Variants in COPB1 observed in about 807,000 individuals in gnomAD.
The protein encoded by COPB1 is coat protein complex I subunit beta 1, also known as coatomer subunit beta.
COPB1 carries 21 observed loss-of-function variants against 108.7 expected under a neutral mutation model. The observed-to-expected ratio is 0.19, with a 90% CI of 0.14 to 0.28. COPB1 has a LOEUF of 0.28. Among genes scored for constraint, COPB1 ranks in the 10% least tolerant of loss-of-function variants. The probability of loss-of-function intolerance (pLI) is 1.00; values close to 1 mark genes in which losing one functional copy is unlikely to be tolerated. For missense variants in COPB1, 919 were observed against 1,141.3 expected (o/e 0.81, Z 2.81); for synonymous variants, 378 against 386.8 (o/e 0.98, Z 0.27).
chr11:14,459,786 T>A (rs1850105636), intron 20 of COPB1, among the ~76,000 whole-genome samples: 1 of 151,944 alleles, frequency 6.6e-6, no homozygotes, highest in Non-Finnish European at 1.5e-5. Flanking sequence ...CTGGGTAATT[T>A]TTGTATTTTT....
rs1850059259 is a variant in COPB1 at position 14,457,736 on chromosome 11, A to G, written c.*88T>C. 1.5e-5 allele frequency: 12 copies of G among 821,130 alleles called. 1 individual carries two copies. The East Asian group carries it at 2.8e-4, about 19-fold the overall frequency. The allele number at this position is 821,130 out of a possible 1,614,324, so 50.9% of individuals were successfully genotyped here. ...TATTCAGCATGAACTCAGATTCTATATAAGCATGAAAGAGTACAAAAGATG... is the reference window on the plus strand; with the variant it reads ...TATTCAGCATGAACTCAGATTCTATGTAAGCATGAAAGAGTACAAAAGATG... On this transcript the variant is annotated 3_prime_UTR_variant, in exon 22 of 22. Transcript: ENST00000439561.
chr11:14,459,832 G>T (rs1276232880), intron 20 of COPB1, among the ~76,000 whole-genome samples: 1 of 152,058 alleles, frequency 6.6e-6, no homozygotes, highest in African/African-American at 2.4e-5. Context: ...GGCCAGGCTG[G>T]TCTCAAACTC....
At chr11:14,487,067 A>C (rs147025543) in intron 6 of COPB1, among the ~76,000 whole-genome samples, 1 of 152,208 alleles carries the variant, frequency 6.6e-6, no homozygotes, top group Non-Finnish European at 1.5e-5. Flanking sequence ...GAAAGATAAC[A>C]CATTTTTCCC....
intron 14 of COPB1, among the ~76,000 whole-genome samples, chr11:14,472,064 C>T (rs1850418321): frequency 1.3e-5 from 2 of 152,184 alleles, no homozygotes; most frequent in African/African-American, 4.8e-5. Flanking sequence ...CAAAAGGAGT[C>T]CCATTGCTAC....
chr11:14,492,723 C>G (rs1850934938), intron 4 of COPB1, among the ~76,000 whole-genome samples: 1 of 152,082 alleles, frequency 6.6e-6, no homozygotes, highest in African/African-American at 2.4e-5. Context: ...TATATCTTAA[C>G]CAACAAATCT....
chr11:14,465,211 ATAAAG>A (rs2134096821), intron 17 of COPB1, among the ~76,000 whole-genome samples, 181 bp from the exon 18 acceptor site: 1 of 152,302 alleles, frequency 6.6e-6, no homozygotes, highest in African/African-American at 2.4e-5. Flanking sequence ...TGAGGACAAA[ATAAAG>A]AAACCACTTA....
intron 18 of COPB1, among the ~76,000 whole-genome samples, chr11:14,464,479 TGACTCTATACAAGC>T: frequency 6.6e-6 from 1 of 152,220 alleles, no homozygotes; most frequent in African/African-American, 2.4e-5. Context: ...ACTGACTGAA[TGACTCTATACAAGC>T]TAATCCCTAG....
In COPB1 at chr11:14,466,327, T is replaced by C. The variant is rs750136867; in HGVS notation, c.2245A>G (p.Thr749Ala). Residue 749 changes from threonine to alanine, a missense_variant, in exon 17 of 22, where the codon ACC (threonine) becomes GCC (alanine). By Grantham distance (58) the Thr-to-Ala change is moderately conservative (BLOSUM62 0). Transcript: ENST00000439561. ...IVLDVLVVNQ[T>A]SDTLQNCTLE... ...GTGCAATTCTGCAAAGTATCACTGG[T>C]TTGGTTCACAACAAGTACATCCAGG... The C allele has an allele frequency of 1.2e-6, 2 of 1,613,696 alleles. No homozygotes were observed. Among genetic ancestry groups the C allele is most frequent in the Admixed American group, 3.3e-5 (2 of 60,014 alleles).
At chr11:14,481,164 G>C in intron 8 of COPB1, 67 bp from the exon 9 acceptor site, 1 of 1,153,902 alleles carries the variant, frequency 8.7e-7, no homozygotes, top group Non-Finnish European at 1.3e-6. Flanking sequence ...AATCTTCACT[G>C]CAGAATGGTG....
At chr11:14,491,901 T>TA (rs1850913827) in intron 4 of COPB1, among the ~76,000 whole-genome samples, 1 of 152,220 alleles carries the variant, frequency 6.6e-6, no homozygotes, top group Non-Finnish European at 1.5e-5. Context: ...ATTAGTTGTG[T>TA]ACTATTTGCT....
rs550742841 is a variant in COPB1 at position 14,489,719 on chromosome 11, G to A, written c.606+846C>T. Among the ~76,000 whole-genome samples the A allele has an allele frequency of 2.0e-5, 3 of 152,278 alleles. No individual in the cohort carries two copies. The South Asian group carries it at 6.2e-4, about 32-fold the overall frequency. The stretch of plus-strand genomic sequence containing the variant: ...AATGGTGGCTGCCAGGGACTGGGAG[G>A]AAGTGGTAATAAGGAGCTATTTTTT... On this transcript the variant is annotated intron_variant, in intron 5 of 21. Coordinates refer to ENST00000439561, the MANE Select transcript of COPB1 (RefSeq NM_001144061.2).
intron 14 of COPB1, among the ~76,000 whole-genome samples, chr11:14,471,309 G>C (rs1850396972): frequency 6.6e-6 from 1 of 152,144 alleles, no homozygotes; most frequent in South Asian, 2.1e-4. Flanking sequence ...GTACCAAACA[G>C]TGCAAACATT....
At position 14,490,621 on chromosome 11, in the gene COPB1, C is replaced by T. The variant is rs1286868123; in HGVS notation, c.550G>A (p.Glu184Lys). The change falls in exon 5 of 22, where the codon GAG becomes AAG. Residue 184 changes from glutamate to lysine, a missense_variant. Glu to Lys is a moderately conservative substitution (Grantham distance 56). Coordinates refer to ENST00000439561, the MANE Select transcript of COPB1 (RefSeq NM_001144061.2). ...TTCCTTTTGCAACTTGCATCCTTCTCATTCACCAGAAAATCATGTATCAGT... is the reference window on the plus strand; with the variant it reads ...TTCCTTTTGCAACTTGCATCCTTCTTATTCACCAGAAAATCATGTATCAGT... ...PELIHDFLVNEKDASCKRNAF... is the reference protein window; with the variant it reads ...PELIHDFLVNKKDASCKRNAF... The T allele has an allele frequency of 6.8e-6, 11 of 1,613,274 alleles. No individual in the cohort carries two copies. The highest frequency in any genetic ancestry group is 9.3e-6 in the Non-Finnish European group (11 of 1,179,774).
chr11:14,498,494 T>A (rs988381066), intron 2 of COPB1, among the ~76,000 whole-genome samples: 1 of 152,332 alleles, frequency 6.6e-6, no homozygotes, highest in Admixed American at 6.5e-5. Flanking sequence ...TGAAGTTAAG[T>A]GCACGATGGA....
chr11:14,458,856 C>T (rs546907651), intron 20 of COPB1, among the ~76,000 whole-genome samples, 169 bp from the exon 21 acceptor site: 25 of 151,404 alleles, frequency 1.7e-4, no homozygotes, highest in African/African-American at 5.8e-4. Context: ...TGCAACCTTC[C>T]TCCCAGGTTC....
intron 3 of COPB1, 98 bp from the exon 4 acceptor site, chr11:14,493,909 G>A (rs971642173): frequency 3.2e-5 from 35 of 1,104,106 alleles, no homozygotes; most frequent in Admixed American, 1.2e-4. Context: ...ATACGTTTGA[G>A]AAAAAACCTA....
At chr11:14,483,888 C>T (rs1850714054) in intron 7 of COPB1, among the ~76,000 whole-genome samples, 1 of 152,152 alleles carries the variant, frequency 6.6e-6, no homozygotes, top group South Asian at 2.1e-4. Flanking sequence ...AACATATTTG[C>T]ATAGTTTCAA....
chr11:14,485,903 C>A (rs2167160), intron 7 of COPB1, among the ~76,000 whole-genome samples: 101,136 of 151,950 alleles, frequency 0.67, 33,885 homozygotes, highest in African/African-American at 0.71. Context: ...GTATTCTTAT[C>A]AAGTAAGCTA....
At chr11:14,486,013 T>G (rs1043444007) in intron 7 of COPB1, among the ~76,000 whole-genome samples, 3 of 152,118 alleles carry the variant, frequency 2.0e-5, no homozygotes, top group African/African-American at 4.8e-5. Context: ...CTCTTTACAC[T>G]GAGTAGGCTG....
Sources: gnomAD v4.1 joint callset for allele counts (sites outside exome capture counted in the v4.1 genomes callset) on GRCh38, gnomAD v4.1.1 for gene constraint, MANE v1.5 for transcripts, NCBI Gene and HGNC (gene_info 2026-07-23, HGNC 2026-07-21) for gene names.